Variants in OLFM1 observed in about 807,000 individuals in gnomAD.
OLFM1 encodes the protein olfactomedin 1, also known as noelin.
Under a neutral mutation model 49.7 loss-of-function variants are expected in OLFM1, and 9 were observed. The observed-to-expected ratio is 0.18, with a 90% CI of 0.11 to 0.32. The LOEUF is 0.32. OLFM1 is among the 10% of genes least tolerant of loss of function. The probability of loss-of-function intolerance (pLI) is 1.00; values close to 1 mark genes in which losing one functional copy is unlikely to be tolerated. For synonymous variants in OLFM1, 240 were observed against 271.8 expected (o/e 0.88, Z 1.15); for missense variants, 369 against 661.8 (o/e 0.56, Z 4.85).
upstream of OLFM1, chr9:135,086,672 A>G (rs555925436): frequency 4.4e-6 from 2 of 455,956 alleles, no homozygotes; most frequent in African/African-American, 2.0e-5. Context: ...CAAAAGCCCT[A>G]TTAACGTGTT....
chr9:135,095,992 T>A lies in OLFM1; in HGVS notation c.429T>A (p.His143Gln). The A allele has an allele frequency of 1.3e-6, 2 of 1,499,538 alleles. No homozygotes were observed. The highest frequency in any genetic ancestry group is 3.1e-5 in the African/African-American group (2 of 63,804). The allele number at this position is 1,499,538 out of a possible 1,614,324, so 92.9% of individuals were successfully genotyped here. A position where few individuals can be genotyped will look rare whatever the true frequency, so the allele number is the denominator to read the frequency against. The change falls in exon 3 of 6, where the codon CAT becomes CAA. Residue 143 changes from histidine (H) to glutamine (Q), a missense_variant. Physicochemically the swap from His to Gln is conservative, Grantham distance 24. Transcript: ENST00000371793. ...AGTTCAAACAGGTGGAGGAGAGTCA[T>A]AAGCAACACCTGGCCAGGCAGTTTA... Reference protein sequence around the residue: ...ESKFKQVEESHKQHLARQFKA... With the variant: ...ESKFKQVEESQKQHLARQFKA...
rs1186229777 is a variant in OLFM1 at position 135,098,922 on chromosome 9, A to G, written c.676+417A>G. ...ATATTGAATCATGCATAGTTTGAATAAAAAAGGGAACAAAATTCAATCACA... is the reference window on the plus strand; with the variant it reads ...ATATTGAATCATGCATAGTTTGAATGAAAAAGGGAACAAAATTCAATCACA... On this transcript the variant is annotated intron_variant, in intron 4 of 5. Transcript: ENST00000371793. The surrounding 1 kb of genome is among the most constrained non-coding windows in gnomAD (Gnocchi z 5.6). 2.6e-5 allele frequency among the ~76,000 whole-genome samples: 4 copies of G among 152,336 alleles called. No homozygotes were observed. Among genetic ancestry groups the G allele is most frequent in the South Asian group, 2.1e-4 (1 of 4,822 alleles).
intron 5 of OLFM1, among the ~76,000 whole-genome samples, chr9:135,110,987 A>C (rs772076939): frequency 1.1e-4 from 16 of 152,222 alleles, no homozygotes; most frequent in Non-Finnish European, 1.9e-4. Context: ...GCAGTGCCAG[A>C]TCTGTGCCCA....
intron 1 of OLFM1, among the ~76,000 whole-genome samples, chr9:135,078,044 G>A (rs1005239724): frequency 6.6e-6 from 1 of 152,206 alleles, no homozygotes; most frequent in Non-Finnish European, 1.5e-5. Flanking sequence ...TGGGTGTGGG[G>A]GCAGGACCAG....
intron 4 of OLFM1, among the ~76,000 whole-genome samples, chr9:135,100,974 C>G (rs1830862957): frequency 6.6e-6 from 1 of 152,170 alleles, no homozygotes; most frequent in African/African-American, 2.4e-5. Context: ...ATAGAGTTAG[C>G]AGCTGCTGAC....
rs756863290 is a variant in OLFM1, at chr9:135,080,632, A to G, written c.96+4830A>G. ...ATTCCACTGACTTCAACCTTCCCCA[A>G]TCAGAAGAAAGGTAATTTCCTGCCT... On this transcript the variant is annotated intron_variant, in intron 1 of 5. Coordinates refer to the OLFM1 transcript ENST00000252854. The surrounding 1 kb of genome is among the most constrained non-coding windows in gnomAD (Gnocchi z 4.5). Among the ~76,000 whole-genome samples the G allele has an allele frequency of 5.9e-5, 9 of 152,078 alleles. No individual in the cohort carries two copies. The highest frequency in any genetic ancestry group is 7.2e-5 in the African/African-American group (3 of 41,438).
At chr9:135,114,920 G>C (rs904441162) in intron 5 of OLFM1, among the ~76,000 whole-genome samples, 1 of 152,114 alleles carries the variant, frequency 6.6e-6, no homozygotes, top group Non-Finnish European at 1.5e-5. Context: ...AGCCCTCTTC[G>C]CACGCGGCAC....
At position 135,106,547 on chromosome 9, in the gene OLFM1, T is replaced by G. The variant is rs572385631; in HGVS notation, c.677-202T>G. 4.5e-4 allele frequency: 259 copies of G among 579,870 alleles called. 1 individual carries two copies. Among genetic ancestry groups the G allele is most frequent in the South Asian group, 4.1e-3 (205 of 49,476 alleles). The allele number at this position is 579,870 out of a possible 1,614,324, so 35.9% of individuals were successfully genotyped here. On this transcript the variant is annotated intron_variant, in intron 4 of 5. Coordinates refer to ENST00000371793, the MANE Select transcript of OLFM1 (RefSeq NM_001282611.2). ...TATCCTGGCCACAGCTGCTCTGTTT[T>G]GGGGAGGAGGTGGCTTTTCCGAGAG...
chr9:135,099,608 C>T lies in OLFM1; in HGVS notation c.676+1103C>T, dbSNP rs1588213288. 2.0e-5 allele frequency among the ~76,000 whole-genome samples: 3 copies of T among 152,334 alleles called. No individual in the cohort carries two copies. In the South Asian group the frequency reaches 6.2e-4, roughly 32 times the overall value. ...GATTTTTAAACGCTCTTCTAGGTGT[C>T]CTCAGTGAACGCACAAAGCTTTAAA... is the stretch of plus-strand genomic sequence containing the variant. On this transcript the variant is annotated intron_variant, in intron 4 of 5. Transcript: ENST00000371793.
intron 2 of OLFM1, among the ~76,000 whole-genome samples, chr9:135,091,587 A>C (rs575540796): frequency 4.3e-4 from 64 of 148,758 alleles, no homozygotes; most frequent in African/African-American, 1.6e-3. Flanking sequence ...TCACACACTC[A>C]CAGTCACACA....
chr9:135,091,709 A>ACACATAGTCACACACAGTCACACT (rs1564270925), intron 2 of OLFM1, among the ~76,000 whole-genome samples: 9 of 149,160 alleles, frequency 6.0e-5, no homozygotes, highest in South Asian at 2.2e-4. Context: ...AGTCACACTC[A>ACACATAGTCACACACAGTCACACT]CACATAGTCA....
intron 1 of OLFM1, chr9:135,077,363 C>A: frequency 8.7e-7 from 1 of 1,152,412 alleles, no homozygotes; most frequent in Non-Finnish European, 1.1e-6. Flanking sequence ...GCCTCCATGC[C>A]CAGGCCAAAA....
intron 2 of OLFM1, 48 bp downstream of exon 2, chr9:135,090,392 G>A (rs778076018): frequency 2.0e-6 from 3 of 1,530,170 alleles, no homozygotes; most frequent in Non-Finnish European, 2.7e-6. Context: ...GTGTTTGTGT[G>A]TGTGTGTGTG....
At position 135,120,118 on chromosome 9, in the gene OLFM1, C is replaced by T. The variant is rs200836703; in HGVS notation, c.1398C>T (p.Asn466=). Residue 466 remains asparagine (N), a synonymous_variant, in exon 6 of 6, where the codon AAC becomes AAT. Transcript: ENST00000371793. ...ACCGGGCCCTGTATGCCTGGAACAA[C>T]GGCCACCAGATCCTCTACAACGTGA... ...PKDRALYAWN[N]GHQILYNVTL... The T allele has an allele frequency of 2.8e-4, 452 of 1,614,060 alleles. 3 individuals are homozygous for T. The highest frequency in any genetic ancestry group is 1.4e-3 in the South Asian group (130 of 91,078).
At position 135,107,131 on chromosome 9, in the gene OLFM1, GTGGGC is replaced by G. The variant is rs55864915; in HGVS notation, c.783+315_783+319del. ...CCTTCAAGGCCTCCTCCCCGGCCCG[GTGGGC>G]TGGGCTGGGCTGGGCTGGGCTGGGC... On this transcript the variant is annotated intron_variant, in intron 5 of 5. Transcript: ENST00000371793. Among the ~76,000 whole-genome samples, 228 of 151,814 alleles carry G rather than the reference GTGGGC, an allele frequency of 1.5e-3. 2 individuals carry two copies. The highest frequency in any genetic ancestry group is 5.0e-3 in the African/African-American group (209 of 41,402).
chr9:135,076,751 G>A lies in OLFM1; in HGVS notation c.96+949G>A. On this transcript the variant is annotated intron_variant, in intron 1 of 5. Coordinates refer to the OLFM1 transcript ENST00000252854. ...GAAGTGATGGGCAGCCAGTACCTTGGCCCCAAGCCCCAGCTGCCCCTGACC... is the reference window on the plus strand; with the variant it reads ...GAAGTGATGGGCAGCCAGTACCTTGACCCCAAGCCCCAGCTGCCCCTGACC... The A allele has an allele frequency of 2.0e-6, 3 of 1,474,026 alleles. No individual in the cohort carries two copies. In the Admixed American group the frequency reaches 6.9e-5, roughly 34 times the overall value. 91.3% of individuals were successfully genotyped at this position (1,474,026 alleles called of 1,614,324 possible). A position where few individuals can be genotyped will look rare whatever the true frequency, so the allele number is the denominator to read the frequency against.
Position 135,088,268 on chromosome 9 carries a change from A to G in OLFM1, c.150+129A>G. 5.9e-6 allele frequency: 5 copies of G among 844,876 alleles called. No individual in the cohort carries two copies. Among genetic ancestry groups the G allele is most frequent in the Non-Finnish European group, 6.2e-6 (4 of 648,080 alleles). The allele number at this position is 844,876 out of a possible 1,614,324, so 52.3% of individuals were successfully genotyped here. On this transcript the variant is annotated intron_variant, in intron 1 of 5. Transcript: ENST00000371793. This position sits in a 1 kb window ranked among gnomAD's most constrained non-coding sequence, Gnocchi z 4.8. ...GTCGCCCAGGGAGGCGGCGGGGAGCAGGGCGGGCAAGGGCAGGCGTCGCGG... is the reference window on the plus strand; with the variant it reads ...GTCGCCCAGGGAGGCGGCGGGGAGCGGGGCGGGCAAGGGCAGGCGTCGCGG...
chr9:135,114,317 C>T (rs186261476), intron 5 of OLFM1, among the ~76,000 whole-genome samples: 41 of 151,922 alleles, frequency 2.7e-4, no homozygotes, highest in Admixed American at 1.8e-3. Flanking sequence ...GACGAGGTTT[C>T]ACTGTGTTGG....
At chr9:135,081,820 G>A (rs1830536386) in intron 1 of OLFM1, among the ~76,000 whole-genome samples, 1 of 152,174 alleles carries the variant, frequency 6.6e-6, no homozygotes, top group African/African-American at 2.4e-5. Context: ...GAGCTAAGGT[G>A]GCCTCTCAGT....
Sources: gnomAD v4.1 joint callset for allele counts (sites outside exome capture counted in the v4.1 genomes callset) on GRCh38, gnomAD v4.1.1 for gene constraint, Gnocchi (gnomAD v3.1) non-coding constraint, MANE v1.5 for transcripts, NCBI Gene and HGNC (gene_info 2026-07-23, HGNC 2026-07-21) for gene names.